Variants in CDH19 observed in about 807,000 individuals in gnomAD.
CDH19 encodes the protein cadherin 19.
A neutral mutation model predicts 64.2 loss-of-function variants in CDH19; 67 were observed. The observed-to-expected ratio is 1.04, with a 90% CI of 0.86 to 1.28. The LOEUF is 1.28. Among genes scored for constraint, CDH19 ranks in the 50% most tolerant of loss-of-function variants. The probability of loss-of-function intolerance (pLI) is 0.00; values close to 1 mark genes in which losing one functional copy is unlikely to be tolerated. For synonymous variants in CDH19, 346 were observed against 319.3 expected, an observed-to-expected ratio of 1.08 and a Z score of -0.89; for missense variants, 1,030 against 929.0, an observed-to-expected ratio of 1.11 and a Z score of -1.41.
At chr18:66,563,789 T>C (rs1748589358) in intron 3 of CDH19, among the ~76,000 whole-genome samples, 1 of 151,990 alleles carries the variant, frequency 6.6e-6, no homozygotes, top group Non-Finnish European at 1.5e-5. Flanking sequence ...TCATCTTAAC[T>C]GGGCAAAGTG....
intron 8 of CDH19, among the ~76,000 whole-genome samples, chr18:66,534,159 T>C (rs1986566783): frequency 1.3e-5 from 2 of 152,062 alleles, no homozygotes; most frequent in Non-Finnish European, 2.9e-5. Context: ...AATAAACATC[T>C]TTGCATTTTC....
chr18:66,591,254 G>T lies in CDH19; in HGVS notation c.-113+12700C>A, dbSNP rs188129151. 2.2e-3 allele frequency among the ~76,000 whole-genome samples: 327 copies of T among 151,962 alleles called. 9 individuals carry two copies. Among genetic ancestry groups the T allele is most frequent in the Non-Finnish European group, 1.2e-4 (8 of 67,852 alleles). Reference sequence around the variant, plus strand: ...AAAGGTCCTCATGTCATATAAACATGAGATTTATTTAAATACTTATAATGT... The same window carrying T: ...AAAGGTCCTCATGTCATATAAACATTAGATTTATTTAAATACTTATAATGT... On this transcript the variant is annotated intron_variant, in intron 1 of 11. Coordinates refer to ENST00000262150, the MANE Select transcript of CDH19 (RefSeq NM_021153.4).
At chr18:66,540,289 T>C (rs1986838808) in intron 7 of CDH19, among the ~76,000 whole-genome samples, 1 of 152,168 alleles carries the variant, frequency 6.6e-6, no homozygotes. Flanking sequence ...ATACACCATC[T>C]TTCTCATACT....
chr18:66,515,403 G>T (rs1467727341), intron 9 of CDH19, among the ~76,000 whole-genome samples: 1 of 151,732 alleles, frequency 6.6e-6, no homozygotes, highest in Non-Finnish European at 1.5e-5. Context: ...TTGAACATCT[G>T]TTCAAACAGG....
intron 1 of CDH19, among the ~76,000 whole-genome samples, chr18:66,588,261 A>G (rs533471081): frequency 6.6e-6 from 1 of 152,174 alleles, no homozygotes; most frequent in Non-Finnish European, 1.5e-5. Context: ...GTTCCCACCA[A>G]TCTCCCTGGG....
intron 10 of CDH19, 44 bp downstream of exon 10, chr18:66,511,524 G>C (rs1253151234): frequency 3.7e-6 from 3 of 818,678 alleles, no homozygotes; most frequent in Non-Finnish European, 6.3e-6. Flanking sequence ...TCTAACATGA[G>C]TCACAAAAAT....
At chr18:66,568,758 A>G in intron 2 of CDH19, 48 bp from the exon 3 acceptor site, 1 of 1,421,910 alleles carries the variant, frequency 7.0e-7, no homozygotes, top group East Asian at 2.3e-5. Context: ...TCTGAAATGG[A>G]CAAATCAAAA....
intron 1 of CDH19, among the ~76,000 whole-genome samples, chr18:66,574,916 G>A (rs1988222301): frequency 6.6e-6 from 1 of 151,754 alleles, no homozygotes; most frequent in African/African-American, 2.4e-5. Flanking sequence ...TAATCCAACT[G>A]AGAATTTCTC....
chr18:66,510,416 T>A (rs1985417419), intron 10 of CDH19, among the ~76,000 whole-genome samples: 1 of 149,052 alleles, frequency 6.7e-6, no homozygotes, highest in Non-Finnish European at 1.5e-5. Context: ...TATTTTATAT[T>A]AATATAAATT....
At position 66,545,397 on chromosome 18, in the gene CDH19, TTTCC is replaced by T. The variant is rs566720406; in HGVS notation, c.776-498_776-495del. Reference sequence around the variant, plus strand: ...TTTCTTTCTCTTTTTCCTTTCTTTCTTTCCTTCCTTCCTTCCTTCTTTCCTTCCT... The same window carrying T: ...TTTCTTTCTCTTTTTCCTTTCTTTCTTTCCTTCCTTCCTTCTTTCCTTCCT... On this transcript the variant is annotated intron_variant, in intron 5 of 11. Transcript: ENST00000262150. Among the ~76,000 whole-genome samples, 188 of 125,258 alleles carry T rather than the reference TTTCC, an allele frequency of 1.5e-3. 1 individual carries two copies. The highest frequency in any genetic ancestry group is 8.9e-3 in the African/African-American group (176 of 19,666). 82.2% of individuals were successfully genotyped at this position (125,258 alleles called of 152,430 possible).
intron 5 of CDH19, among the ~76,000 whole-genome samples, chr18:66,549,742 T>C (rs990498855): frequency 1.3e-5 from 2 of 152,198 alleles, no homozygotes; most frequent in African/African-American, 2.4e-5. Context: ...ATATGTTGGC[T>C]ACACTGAGTA....
intron 1 of CDH19, among the ~76,000 whole-genome samples, chr18:66,597,161 T>TGAAAAAAAAAAA (rs1195104691): frequency 1.5e-5 from 1 of 65,712 alleles, no homozygotes; most frequent in Non-Finnish European, 4.4e-5. Flanking sequence ...CAATCTTAAG[T>TGAAAAAAAAAAA]TAAAAAAAAA....
At chr18:66,569,294 C>T (rs1294494723) in intron 2 of CDH19, among the ~76,000 whole-genome samples, 2 of 151,484 alleles carry the variant, frequency 1.3e-5, no homozygotes, top group East Asian at 1.9e-4. Flanking sequence ...TTATGAAATA[C>T]ATATTATTGA....
intron 3 of CDH19, among the ~76,000 whole-genome samples, chr18:66,565,146 G>A (rs1483159230): frequency 6.6e-6 from 1 of 151,688 alleles, no homozygotes; most frequent in Non-Finnish European, 1.5e-5. Flanking sequence ...TTTTTGGATG[G>A]CAGAAAAATA....
At chr18:66,547,834 AT>A (rs1261023421) in intron 5 of CDH19, among the ~76,000 whole-genome samples, 4 of 144,498 alleles carry the variant, frequency 2.8e-5, no homozygotes, top group Non-Finnish European at 6.0e-5. Context: ...CGCCCGGCTA[AT>A]TTTTTGTATT....
intron 8 of CDH19, among the ~76,000 whole-genome samples, chr18:66,530,659 A>AG (rs397699234): frequency 2.0e-5 from 3 of 151,892 alleles, no homozygotes; most frequent in Admixed American, 6.6e-5. Context: ...GATATAAAAA[A>AG]GACATTTCAG....
chr18:66,592,933 T>C (rs1299853377), intron 1 of CDH19, among the ~76,000 whole-genome samples: 1 of 151,918 alleles, frequency 6.6e-6, no homozygotes, highest in East Asian at 1.9e-4. Context: ...TGCTGAATCA[T>C]ATATTACTTC....
intron 11 of CDH19, among the ~76,000 whole-genome samples, chr18:66,507,480 T>A (rs573339942): frequency 6.6e-6 from 1 of 151,926 alleles, no homozygotes; most frequent in South Asian, 2.1e-4. Context: ...AGAGCAGAGT[T>A]TAGACTATAT....
At chr18:66,515,981 G>C (rs1408005677) in intron 9 of CDH19, among the ~76,000 whole-genome samples, 9 of 151,904 alleles carry the variant, frequency 5.9e-5, no homozygotes, top group African/African-American at 2.2e-4. Flanking sequence ...AACTTAAAAA[G>C]TATTGAGGAA....
Sources: gnomAD v4.1 joint callset for allele counts (sites outside exome capture counted in the v4.1 genomes callset) on GRCh38, gnomAD v4.1.1 for gene constraint, MANE v1.5 for transcripts, NCBI Gene and HGNC (gene_info 2026-07-23, HGNC 2026-07-21) for gene names.